Variants in GRIA3 observed in about 807,000 individuals in gnomAD.
The protein encoded by GRIA3 is glutamate ionotropic receptor AMPA type subunit 3.
Under a neutral mutation model 63.0 loss-of-function variants are expected in GRIA3, and 3 were observed. The ratio of observed to expected loss-of-function variants is 0.05; its 90% confidence interval spans 0.02 to 0.12. GRIA3 has a LOEUF of 0.12. Among genes scored for constraint, GRIA3 ranks in the 10% least tolerant of loss-of-function variants. The pLI is 1.00. For synonymous variants in GRIA3, 274 were observed against 257.9 expected, an observed-to-expected ratio of 1.06 and a Z score of -0.60; for missense variants, 347 against 700.9, an observed-to-expected ratio of 0.50 and a Z score of 5.70.
At chrX:123,264,198 T>C (rs1024850416) in intron 3 of GRIA3, among the ~76,000 whole-genome samples, 4 of 112,153 alleles carry the variant, frequency 3.6e-5, no homozygotes, top group South Asian at 7.4e-4. Flanking sequence ...ACCAAGCATC[T>C]AGGAGACAGG....
intron 2 of GRIA3, among the ~76,000 whole-genome samples, chrX:123,232,643 A>G (rs1257170859): frequency 1.8e-5 from 2 of 111,464 alleles, no homozygotes; most frequent in Non-Finnish European, 3.8e-5. Context: ...AAATTTAAAA[A>G]GTTAACTGCT....
intron 3 of GRIA3, among the ~76,000 whole-genome samples, chrX:123,324,584 G>A (rs1414746114): frequency 7.1e-5 from 8 of 112,039 alleles, no homozygotes; most frequent in Non-Finnish European, 1.5e-4. Context: ...GTAAATCTGA[G>A]AAATAAATAT....
chrX:123,394,382 GA>G (rs1444754081), intron 5 of GRIA3, among the ~76,000 whole-genome samples: 1 of 110,507 alleles, frequency 9.0e-6, no homozygotes, highest in Non-Finnish European at 1.9e-5. Context: ...CTGGGTAACA[GA>G]GCGAGATTCT....
intron 3 of GRIA3, among the ~76,000 whole-genome samples, chrX:123,304,286 A>C (rs929550346): frequency 1.1e-4 from 12 of 111,676 alleles, no homozygotes; most frequent in African/African-American, 3.6e-4. Flanking sequence ...TACTGAAAGG[A>C]ACTTTTCCCC....
chrX:123,377,965 C>T (rs977371514), intron 5 of GRIA3, among the ~76,000 whole-genome samples: 1 of 112,237 alleles, frequency 8.9e-6, no homozygotes, highest in Non-Finnish European at 1.9e-5. Flanking sequence ...TTCCAGAAAT[C>T]ATACACCTCC....
chrX:123,360,851 TCTCTCA>T (rs1189593503), intron 5 of GRIA3, among the ~76,000 whole-genome samples: 4 of 26,585 alleles, frequency 1.5e-4, no homozygotes, highest in African/African-American at 5.2e-4. Flanking sequence ...TCTCTCTCTC[TCTCTCA>T]CACACACACA....
intron 3 of GRIA3, among the ~76,000 whole-genome samples, chrX:123,257,476 G>A (rs2044426284): frequency 1.0e-5 from 1 of 99,957 alleles, no homozygotes; most frequent in South Asian, 6.1e-4. Flanking sequence ...GAGAAGGAAG[G>A]AAGGAAGGAA....
chrX:123,470,318 T>C (rs2045855119), intron 13 of GRIA3, among the ~76,000 whole-genome samples: 1 of 111,939 alleles, frequency 8.9e-6, no homozygotes, highest in Admixed American at 9.5e-5. Flanking sequence ...AGTTTTACTA[T>C]ATCTTCAAAA....
intron 5 of GRIA3, among the ~76,000 whole-genome samples, chrX:123,359,506 G>A (rs1042801477): frequency 8.1e-5 from 9 of 111,145 alleles, no homozygotes; most frequent in African/African-American, 3.0e-4. Context: ...CCAGAGCCCC[G>A]TTATCCTTGG....
chrX:123,450,951 C>G (rs1048205608), intron 12 of GRIA3, among the ~76,000 whole-genome samples: 1 of 111,866 alleles, frequency 8.9e-6, no homozygotes, highest in Non-Finnish European at 1.9e-5. Context: ...AAGGCCCTGA[C>G]ATGGGAATAC....
At chrX:123,212,775 T>A (rs1244685447) in intron 2 of GRIA3, among the ~76,000 whole-genome samples, 1 of 112,304 alleles carries the variant, frequency 8.9e-6, no homozygotes, top group Non-Finnish European at 1.9e-5. Context: ...TAGCAAATGC[T>A]AGGCATTTGC....
intron 2 of GRIA3, among the ~76,000 whole-genome samples, chrX:123,247,491 A>G (rs777587418): frequency 9.0e-6 from 1 of 111,622 alleles, no homozygotes; most frequent in African/African-American, 3.3e-5. Flanking sequence ...TCCAGAATGT[A>G]GTCAGAAACG....
intron 12 of GRIA3, among the ~76,000 whole-genome samples, chrX:123,443,544 A>G (rs774701161): frequency 2.7e-5 from 3 of 111,589 alleles, no homozygotes; most frequent in Non-Finnish European, 5.6e-5. Flanking sequence ...GATGACAAAT[A>G]TATATCAGGA....
chrX:123,216,979 A>G (rs1036001403), intron 2 of GRIA3, among the ~76,000 whole-genome samples: 4 of 112,118 alleles, frequency 3.6e-5, no homozygotes, highest in Admixed American at 1.9e-4. Context: ...CATTACTAAC[A>G]TCTAACTCCT....
At chrX:123,438,020 TTTTA>T (rs766479225) in intron 12 of GRIA3, among the ~76,000 whole-genome samples, 127 of 112,142 alleles carry the variant, frequency 1.1e-3, no homozygotes, top group Middle Eastern at 9.3e-3. Flanking sequence ...AAACTTGCCA[TTTTA>T]ACCACTTTTA....
At chrX:123,399,371 C>A (rs1418831661) in intron 7 of GRIA3, among the ~76,000 whole-genome samples, 2 of 111,938 alleles carry the variant, frequency 1.8e-5, no homozygotes, top group Admixed American at 1.9e-4. Flanking sequence ...ACTTAAGAAG[C>A]TTTTGCCTAA....
rs138622640 is a variant in GRIA3, at chrX:123,277,955, G to T, written c.508+24413G>T. On this transcript the variant is annotated intron_variant, in intron 3 of 15. Transcript: ENST00000620443. The stretch of plus-strand genomic sequence containing the variant: ...ATCCTTGAACTGGATGATCTCTGAA[G>T]TCCCTTCCAGCTTTGAAATTCGAAT... 1.6e-3 allele frequency among the ~76,000 whole-genome samples: 181 copies of T among 112,095 alleles called. 1 individual carries two copies. Among genetic ancestry groups the T allele is most frequent in the African/African-American group, 5.5e-3 (170 of 30,877 alleles).
At chrX:123,344,330 C>A (rs2045029602) in intron 4 of GRIA3, among the ~76,000 whole-genome samples, 1 of 112,322 alleles carries the variant, frequency 8.9e-6, no homozygotes, top group Non-Finnish European at 1.9e-5. Flanking sequence ...CTATTGTAGG[C>A]ACATGCTGTT....
intron 4 of GRIA3, among the ~76,000 whole-genome samples, chrX:123,335,529 A>G (rs1050589214): frequency 1.8e-5 from 2 of 111,835 alleles, no homozygotes; most frequent in African/African-American, 6.5e-5. Flanking sequence ...GTAGATTGCA[A>G]TACAGATGTA....
Sources: allele counts gnomAD v4.1 joint callset (sites outside exome capture counted in the v4.1 genomes callset), GRCh38; gene constraint gnomAD v4.1.1; transcripts MANE v1.5; gene names NCBI Gene and HGNC (gene_info 2026-07-23, HGNC 2026-07-21).